Variants in LYPD6B observed in about 807,000 individuals in gnomAD.
LYPD6B encodes the protein LY6/PLAUR domain containing 6B, also known as ly6/PLAUR domain-containing protein 6B.
In LYPD6B, 17 loss-of-function variants were observed where a neutral mutation model predicts 22.8. That is an observed-to-expected ratio of 0.75 (90% CI 0.51 to 1.12). The LOEUF is 1.12. LYPD6B is among the 50% of genes most tolerant of loss of function. LYPD6B has a pLI of 0.00. For missense variants in LYPD6B, 221 were observed against 258.3 expected, an observed-to-expected ratio of 0.86 and a Z score of 0.99; for synonymous variants, 106 against 91.6, an observed-to-expected ratio of 1.16 and a Z score of -0.90.
chr2:149,106,671 T>C (rs2105513470), intron 1 of LYPD6B, among the ~76,000 whole-genome samples: 1 of 152,320 alleles, frequency 6.6e-6, no homozygotes, highest in South Asian at 2.1e-4. Flanking sequence ...GTTTTTTTCC[T>C]TATTTTCCTA....
chr2:149,199,629 G>T (rs1011894555), intron 3 of LYPD6B, among the ~76,000 whole-genome samples: 1 of 152,218 alleles, frequency 6.6e-6, no homozygotes, highest in African/African-American at 2.4e-5. Flanking sequence ...GTCAGATCAA[G>T]ATGATGGGGT....
intron 1 of LYPD6B, among the ~76,000 whole-genome samples, chr2:149,045,653 T>C (rs1683274590): frequency 6.6e-6 from 1 of 152,162 alleles, no homozygotes; most frequent in Non-Finnish European, 1.5e-5. Flanking sequence ...TTGACCCGTA[T>C]GTTATTTTAA....
At chr2:149,165,703 C>T (rs1005676905) in intron 3 of LYPD6B, among the ~76,000 whole-genome samples, 2 of 152,160 alleles carry the variant, frequency 1.3e-5, no homozygotes, top group African/African-American at 4.8e-5. Flanking sequence ...CAACTTCCCT[C>T]GAAGTCATAC....
intron 1 of LYPD6B, among the ~76,000 whole-genome samples, chr2:149,129,904 T>C (rs1308706944): frequency 1.4e-5 from 2 of 147,342 alleles, no homozygotes; most frequent in East Asian, 2.1e-4. Flanking sequence ...CAAGGCGTGG[T>C]GTCTGGGAAG....
intron 1 of LYPD6B, among the ~76,000 whole-genome samples, chr2:149,083,100 G>A (rs1007660476): frequency 2.6e-5 from 4 of 152,022 alleles, no homozygotes; most frequent in African/African-American, 4.8e-5. Context: ...ACCCTTGAAT[G>A]GGAATAAAAT....
chr2:149,211,543 A>G (rs541233763), intron 5 of LYPD6B, among the ~76,000 whole-genome samples: 41 of 152,050 alleles, frequency 2.7e-4, no homozygotes, highest in African/African-American at 9.7e-4. Context: ...GATAGTGCAC[A>G]CTCAGTATGG....
intron 1 of LYPD6B, among the ~76,000 whole-genome samples, chr2:149,072,031 A>C (rs1416043301): frequency 6.6e-6 from 1 of 152,188 alleles, no homozygotes; most frequent in East Asian, 1.9e-4. Flanking sequence ...TCCCAGGTTC[A>C]CATGAGTCTC....
At chr2:149,161,949 T>C (rs1255562793) in intron 3 of LYPD6B, among the ~76,000 whole-genome samples, 1 of 152,132 alleles carries the variant, frequency 6.6e-6, no homozygotes, top group Non-Finnish European at 1.5e-5. Context: ...AATTTATATA[T>C]TATCATCACT....
Position 149,060,247 on chromosome 2 carries a change from C to T in LYPD6B, c.-67+21446C>T, listed in dbSNP as rs567281533. Among the ~76,000 whole-genome samples the T allele has an allele frequency of 6.6e-5, 10 of 152,236 alleles. No individual in the cohort carries two copies. The East Asian group carries it at 1.5e-3, about 24-fold the overall frequency. Reference sequence around the variant, plus strand: ...GCTCCAGGTCCAGGTGACTGGGGTTCGAATCCTGCCTTGACCACTTTCCAA... The same window carrying T: ...GCTCCAGGTCCAGGTGACTGGGGTTTGAATCCTGCCTTGACCACTTTCCAA... On this transcript the variant is annotated intron_variant, in intron 1 of 6. Transcript: ENST00000409642.
intron 5 of LYPD6B, among the ~76,000 whole-genome samples, chr2:149,208,859 A>C (rs1693667393): frequency 6.6e-6 from 1 of 152,192 alleles, no homozygotes; most frequent in Non-Finnish European, 1.5e-5. Flanking sequence ...TACTCAGTAA[A>C]TATTTGCTGA....
intron 2 of LYPD6B, among the ~76,000 whole-genome samples, chr2:149,156,720 T>C (rs1240967535): frequency 1.3e-5 from 2 of 152,104 alleles, no homozygotes; most frequent in African/African-American, 4.8e-5. Flanking sequence ...CTTAAGACTC[T>C]CCAGATACAT....
intron 1 of LYPD6B, among the ~76,000 whole-genome samples, chr2:149,067,930 C>T (rs1480570278): frequency 6.6e-6 from 1 of 152,102 alleles, no homozygotes. Context: ...GCGTGACCAC[C>T]CTCCTCTCAA....
chr2:149,070,591 G>T (rs68080083), intron 1 of LYPD6B, among the ~76,000 whole-genome samples: 27,417 of 152,124 alleles, frequency 0.18, 2,849 homozygotes, highest in East Asian at 0.34. Context: ...AAGGAGGGAA[G>T]GAAGAAAGGT....
At chr2:149,177,170 G>A (rs1691377458) in intron 3 of LYPD6B, among the ~76,000 whole-genome samples, 1 of 152,176 alleles carries the variant, frequency 6.6e-6, no homozygotes, top group South Asian at 2.1e-4. Context: ...TTAGAGAAAT[G>A]GCCCCCAAAC....
intron 1 of LYPD6B, among the ~76,000 whole-genome samples, chr2:149,058,658 C>T (rs962820375): frequency 2.6e-5 from 4 of 152,168 alleles, no homozygotes; most frequent in South Asian, 4.2e-4. Flanking sequence ...TTGCTCTTGT[C>T]CCGCAGGCTA....
At chr2:149,197,223 A>C (rs1692863946) in intron 3 of LYPD6B, among the ~76,000 whole-genome samples, 1 of 152,162 alleles carries the variant, frequency 6.6e-6, no homozygotes, top group Admixed American at 6.5e-5. Context: ...TTTTTTAAAG[A>C]AATGGTCAGG....
intron 2 of LYPD6B, chr2:149,154,175 A>G (rs1019912485): frequency 5.7e-6 from 1 of 175,968 alleles, no homozygotes; most frequent in Non-Finnish European, 1.1e-5. Flanking sequence ...TGCAGATGTA[A>G]TTAAGAATCT....
At chr2:149,209,355 A>G (rs1418254832) in intron 5 of LYPD6B, among the ~76,000 whole-genome samples, 1 of 152,094 alleles carries the variant, frequency 6.6e-6, no homozygotes, top group African/African-American at 2.4e-5. Flanking sequence ...GTAGGAGCAG[A>G]GGAGGTGGGG....
At chr2:149,204,938 C>G (rs917995715) in intron 3 of LYPD6B, 2 of 243,542 alleles carry the variant, frequency 8.2e-6, no homozygotes, top group Non-Finnish European at 1.6e-5. Context: ...CAGAGGAAAC[C>G]AGCTAGCCGC....
Sources: allele counts gnomAD v4.1 joint callset (sites outside exome capture counted in the v4.1 genomes callset), GRCh38; gene constraint gnomAD v4.1.1; transcripts MANE v1.5; gene names NCBI Gene and HGNC (gene_info 2026-07-23, HGNC 2026-07-21).